Variants in PCARE observed in about 807,000 individuals in gnomAD.
PCARE encodes the protein uncharacterized protein C2orf71.
PCARE carries 72 observed loss-of-function variants against 82.2 expected under a neutral mutation model. The observed-to-expected ratio is 0.88, with a 90% CI of 0.72 to 1.07. PCARE has a LOEUF of 1.07. PCARE is among the 50% of genes least tolerant of loss of function. The probability of loss-of-function intolerance (pLI) is 0.00; values close to 1 mark genes in which losing one functional copy is unlikely to be tolerated. For synonymous variants in PCARE, 705 were observed against 634.8 expected (o/e 1.11, Z -1.66); for missense variants, 1,768 against 1,592.4 (o/e 1.11, Z -1.88).
At position 29,071,321 on chromosome 2, in the gene PCARE, T is replaced by C. The variant is rs1262040345; in HGVS notation, c.2941A>G (p.Arg981Gly). 6.2e-7 allele frequency: 1 copy of C among 1,613,572 alleles called. No individual in the cohort carries two copies. ...GGGGGGCTTCTCTCTCGGCTCTGCC[T>C]TGGTCTGGCCAGGCTGGACTCTGAG... Reference protein sequence around the residue: ...RTSESSLARPRQSRERSPPVG... With the variant: ...RTSESSLARPGQSRERSPPVG... Residue 981 changes from arginine (R) to glycine (G), a missense_variant, in exon 1 of 2, where the codon AGG (arginine) becomes GGG (glycine). Arg to Gly is a moderately radical substitution (Grantham distance 125). Coordinates refer to ENST00000331664, the MANE Select transcript of PCARE (RefSeq NM_001029883.3).
rs767896465 is a variant in PCARE at position 29,071,947 on chromosome 2, G to A, written c.2315C>T (p.Thr772Ile). 1 of 1,614,170 alleles carries A rather than the reference G, an allele frequency of 6.2e-7. No individual in the cohort carries two copies. Among genetic ancestry groups the A allele is most frequent in the East Asian group, 2.2e-5 (1 of 44,874 alleles). ...CIMPPRFPKY[T>I]GLAPLYPKPQ... ...CTTCGGATACAAAGGGGCAAGCCCTGTGTACTTGGGAAATCTGGGGGGCAT... is the reference window on the plus strand; with the variant it reads ...CTTCGGATACAAAGGGGCAAGCCCTATGTACTTGGGAAATCTGGGGGGCAT... Residue 772 changes from threonine (T) to isoleucine (I), a missense_variant, in exon 1 of 2, where the codon ACA (threonine) becomes ATA (isoleucine). Transcript: ENST00000331664.
intron 1 of PCARE, among the ~76,000 whole-genome samples, chr2:29,065,358 G>C (rs12714260): frequency 0.31 from 46,711 of 152,196 alleles, 7,771 homozygotes; most frequent in East Asian, 0.49. Flanking sequence ...TCCCTCAGAA[G>C]CTCTGGGAGC....
In PCARE at chr2:29,072,244, T is replaced by G; in HGVS notation, c.2018A>C (p.Asn673Thr). Reference protein sequence around the residue: ...TSRLKASLTKNFSILPSQDKS... With the variant: ...TSRLKASLTKTFSILPSQDKS... ...GTCCTGACTAGGCAAAATACTGAAG[T>G]TCTTGGTGAGGGATGCCTTGAGCCT... is the stretch of plus-strand genomic sequence containing the variant. Residue 673 changes from asparagine to threonine, a missense_variant, in exon 1 of 2, where the codon AAC becomes ACC. Coordinates refer to ENST00000331664, the MANE Select transcript of PCARE (RefSeq NM_001029883.3). 1.2e-6 allele frequency: 2 copies of G among 1,614,200 alleles called. No homozygotes were observed. Among genetic ancestry groups the G allele is most frequent in the Non-Finnish European group, 1.7e-6 (2 of 1,180,038 alleles).
Position 29,065,075 on chromosome 2 carries a change from G to A in PCARE, c.3669-8C>T. The A allele has an allele frequency of 6.8e-7, 1 of 1,479,692 alleles. No homozygotes were observed. Among genetic ancestry groups the A allele is most frequent in the Non-Finnish European group, 9.2e-7 (1 of 1,089,276 alleles). 91.7% of individuals were successfully genotyped at this position (1,479,692 alleles called of 1,614,324 possible). A position where few individuals can be genotyped will look rare whatever the true frequency, so the allele number is the denominator to read the frequency against. ...GGGCTCTCCTCGCTGCTGCTGCCGAGAGAAAGGACAAGTGCAGGTCAGACA... is the reference window on the plus strand; with the variant it reads ...GGGCTCTCCTCGCTGCTGCTGCCGAAAGAAAGGACAAGTGCAGGTCAGACA... On this transcript the variant is annotated splice_region_variant and splice_polypyrimidine_tract_variant and intron_variant, in intron 1 of 1. Transcript: ENST00000331664.
At position 29,074,329 on chromosome 2, in the gene PCARE, C is replaced by T; in HGVS notation, c.-68G>A. 6.7e-7 allele frequency: 1 copy of T among 1,492,006 alleles called. No homozygotes were observed. Among genetic ancestry groups the T allele is most frequent in the Non-Finnish European group, 8.9e-7 (1 of 1,119,588 alleles). 92.4% of individuals were successfully genotyped at this position (1,492,006 alleles called of 1,614,324 possible). ...CCAAGAATCATATTTGAAATAGGAACAAAAGGCAATCTTACTAGTCCATCC... is the reference window on the plus strand; with the variant it reads ...CCAAGAATCATATTTGAAATAGGAATAAAAGGCAATCTTACTAGTCCATCC... On this transcript the variant is annotated 5_prime_UTR_variant, in exon 1 of 2. Transcript: ENST00000331664.
Position 29,064,746 on chromosome 2 carries a change from G to T in PCARE, c.*123C>A. 1.5e-6 allele frequency: 2 copies of T among 1,307,350 alleles called. No homozygotes were observed. The highest frequency in any genetic ancestry group is 2.1e-6 in the Non-Finnish European group (2 of 934,534). The allele number at this position is 1,307,350 out of a possible 1,614,324, so 81.0% of individuals were successfully genotyped here. ...ACCCACTGGGCAGTGCACCTTCCAGGCCTTTCCAGGACACCTCAGTAGGAG... is the reference window on the plus strand; with the variant it reads ...ACCCACTGGGCAGTGCACCTTCCAGTCCTTTCCAGGACACCTCAGTAGGAG... On this transcript the variant is annotated 3_prime_UTR_variant, in exon 2 of 2. Coordinates refer to ENST00000331664, the MANE Select transcript of PCARE (RefSeq NM_001029883.3).
rs373499712 is a variant in PCARE at position 29,073,770 on chromosome 2, G to A, written c.492C>T (p.Ile164=). 1.4e-5 allele frequency: 22 copies of A among 1,614,244 alleles called. No individual in the cohort carries two copies. Among genetic ancestry groups the A allele is most frequent in the Non-Finnish European group, 1.9e-5 (22 of 1,180,042 alleles). The change falls in exon 1 of 2, where the codon ATC becomes ATT. Residue 164 remains isoleucine (I), a synonymous_variant. Transcript: ENST00000331664. ...SSTQSHCYQT[I]HPAHEPEGKV... Reference sequence around the variant, plus strand: ...TGCCTTCAGGCTCATGAGCAGGGTGGATGGTTTGGTAGCAGTGGCTCTGTG... The same window carrying A: ...TGCCTTCAGGCTCATGAGCAGGGTGAATGGTTTGGTAGCAGTGGCTCTGTG...
chr2:29,071,663 G>GC lies in PCARE; in HGVS notation c.2598dup (p.Pro867AlafsTer240). On this transcript the variant is annotated frameshift_variant, in exon 1 of 2. Transcript: ENST00000331664. LOFTEE classifies it high-confidence loss of function. ...CTCCTGGTGGGGCCAGCCTCTCCCGGCCCTGGCTCCTGGGTTTCCTTGGGG... is the reference window on the plus strand; with the variant it reads ...CTCCTGGTGGGGCCAGCCTCTCCCGGCCCCTGGCTCCTGGGTTTCCTTGGGG... 1 of 1,614,010 alleles carries GC rather than the reference G, an allele frequency of 6.2e-7. No individual in the cohort carries two copies. The highest frequency in any genetic ancestry group is 8.5e-7 in the Non-Finnish European group (1 of 1,179,944).
rs748775127 is a variant in PCARE at position 29,072,188 on chromosome 2, G to T, written c.2074C>A (p.Pro692Thr). 6.2e-7 allele frequency: 1 copy of T among 1,614,230 alleles called. No individual in the cohort carries two copies. Among genetic ancestry groups the T allele is most frequent in the South Asian group, 1.1e-5 (1 of 91,086 alleles). Reference sequence around the variant, plus strand: ...CCAGCTTTGCCTTGTTCGTCCTCAGGATGGGGATTGCATTTCTGCAAGATG... The same window carrying T: ...CCAGCTTTGCCTTGTTCGTCCTCAGTATGGGGATTGCATTTCTGCAAGATG... ...KSILQKCNPHPEDEQGKAGKL... is the reference protein window; with the variant it reads ...KSILQKCNPHTEDEQGKAGKL... Residue 692 changes from proline (P) to threonine (T), a missense_variant, in exon 1 of 2, where the codon CCT (proline) becomes ACT (threonine). Physicochemically the swap from Pro to Thr is conservative, Grantham distance 38. Coordinates refer to ENST00000331664, the MANE Select transcript of PCARE (RefSeq NM_001029883.3).
rs530507308 is a variant in PCARE, at chr2:29,071,265, T to G, written c.2997A>C (p.Thr999=). ...PVGRKASPTR[T]HWVPQADKRR... is the part of the protein sequence containing the mutation. ...TCTTGTCTGCTTGAGGCACCCAGTG[T>G]GTCCTCGTGGGAGAGGCCTTTCTGC... is the stretch of plus-strand genomic sequence containing the variant. The change falls in exon 1 of 2, where the codon ACA becomes ACC. Residue 999 remains threonine, a synonymous_variant. Coordinates refer to ENST00000331664, the MANE Select transcript of PCARE (RefSeq NM_001029883.3). The G allele has an allele frequency of 6.2e-7, 1 of 1,613,496 alleles. No homozygotes were observed. Among genetic ancestry groups the G allele is most frequent in the South Asian group, 1.1e-5 (1 of 91,074 alleles).
Position 29,072,507 on chromosome 2 carries a change from C to G in PCARE, c.1755G>C (p.Arg585Ser). 2 of 1,614,240 alleles carry G rather than the reference C, an allele frequency of 1.2e-6. No homozygotes were observed. The highest frequency in any genetic ancestry group is 1.7e-6 in the Non-Finnish European group (2 of 1,180,052). The change falls in exon 1 of 2, where the codon AGG becomes AGC. Residue 585 changes from arginine (R) to serine (S), a missense_variant. Coordinates refer to ENST00000331664, the MANE Select transcript of PCARE (RefSeq NM_001029883.3). Reference sequence around the variant, plus strand: ...ACCTCGTCTGCCTCTCAGGGGCCCTCCTGCTGCCACTTACCGTGCTAGGTC... The same window carrying G: ...ACCTCGTCTGCCTCTCAGGGGCCCTGCTGCTGCCACTTACCGTGCTAGGTC... The part of the protein sequence containing the change: ...PPRPSTVSGS[R>S]RAPERQTRSQ...
At chr2:29,069,318 A>T (rs1257918714) in intron 1 of PCARE, among the ~76,000 whole-genome samples, 1 of 152,234 alleles carries the variant, frequency 6.6e-6, no homozygotes, top group Non-Finnish European at 1.5e-5. Flanking sequence ...GACAGATTGG[A>T]TAAAGAAAAT....
In PCARE at chr2:29,061,841, C is replaced by A. The variant is rs1667313021; in HGVS notation, c.*3028G>T. The A allele has an allele frequency of 6.6e-6, 1 of 152,160 alleles. No homozygotes were observed. The highest frequency in any genetic ancestry group is 1.5e-5 in the Non-Finnish European group (1 of 68,028). 9.4% of individuals were successfully genotyped at this position (152,160 alleles called of 1,614,324 possible). Reference sequence around the variant, plus strand: ...GAAGGGAGATGGTGGGCGTGAGCAGCCCTTGTCTGAGAAGCTGTACAGCTG... The same window carrying A: ...GAAGGGAGATGGTGGGCGTGAGCAGACCTTGTCTGAGAAGCTGTACAGCTG... On this transcript the variant is annotated 3_prime_UTR_variant, in exon 2 of 2. Coordinates refer to ENST00000331664, the MANE Select transcript of PCARE (RefSeq NM_001029883.3).
chr2:29,065,869 G>A lies in PCARE; in HGVS notation c.3669-802C>T, dbSNP rs147005062. On this transcript the variant is annotated intron_variant, in intron 1 of 1. Coordinates refer to ENST00000331664, the MANE Select transcript of PCARE (RefSeq NM_001029883.3). ...CCTTATAAAATGGAAGTAATAGGCCGGGCGTGCTGGCTCACACCTGTAATC... is the reference window on the plus strand; with the variant it reads ...CCTTATAAAATGGAAGTAATAGGCCAGGCGTGCTGGCTCACACCTGTAATC... Among the ~76,000 whole-genome samples, 1,011 of 152,330 alleles carry A rather than the reference G, an allele frequency of 6.6e-3. 24 individuals carry two copies. Among genetic ancestry groups the A allele is most frequent in the East Asian group, 0.06 (312 of 5,184 alleles).
rs942838586 is a variant in PCARE at position 29,074,499 on chromosome 2, T to A, written c.-238A>T. Among the ~76,000 whole-genome samples the A allele has an allele frequency of 6.6e-6, 1 of 152,208 alleles. No homozygotes were observed. The highest frequency in any genetic ancestry group is 6.5e-5 in the Admixed American group (1 of 15,284). On this transcript the variant is annotated 5_prime_UTR_variant, in exon 1 of 2. Transcript: ENST00000331664. ...TTGTTCTAAGTTTGGAACCCTCTGC[T>A]GTTAGTGAGCAGCGGGACAATTCTG...
intron 1 of PCARE, among the ~76,000 whole-genome samples, chr2:29,065,443 G>GAAA (rs1553353684): frequency 1.3e-5 from 2 of 152,210 alleles, no homozygotes; most frequent in African/African-American, 4.8e-5. Flanking sequence ...TTGAATTAAA[G>GAAA]ACAACAACAA....
At position 29,071,606 on chromosome 2, in the gene PCARE, CA is replaced by C. The variant is rs1276364757; in HGVS notation, c.2655del (p.Val886Ter). On this transcript the variant is annotated frameshift_variant, in exon 1 of 2. Transcript: ENST00000331664. LOFTEE classifies it high-confidence loss of function. Reference sequence around the variant, plus strand: ...CTGGGCAGCAAGTCCAGGGGGCTCACAGAGGCCCTCAGCTTTGGGGAAGCCC... The same window carrying C: ...CTGGGCAGCAAGTCCAGGGGGCTCACGAGGCCCTCAGCTTTGGGGAAGCCC... The part of the protein sequence containing the change: ...RTWASPKLRA[S>X]VSPLDLLPSK... 4 of 1,612,924 alleles carry C rather than the reference CA, an allele frequency of 2.5e-6. No homozygotes were observed.
At position 29,074,042 on chromosome 2, in the gene PCARE, G is replaced by C; in HGVS notation, c.220C>G (p.Leu74Val). 1 of 1,614,190 alleles carries C rather than the reference G, an allele frequency of 6.2e-7. No individual in the cohort carries two copies. The highest frequency in any genetic ancestry group is 8.5e-7 in the Non-Finnish European group (1 of 1,180,034). ...PRRNQTTAKG[L>V]CQLMGDPASG... ...GCAGGATCTCCCATGAGCTGACAAA[G>C]ACCTTTAGCTGTGGTTTGGTTCCTC... Residue 74 changes from leucine (L) to valine (V), a missense_variant, in exon 1 of 2, where the codon CTT becomes GTT. Physicochemically the swap from Leu to Val is conservative, Grantham distance 32. Coordinates refer to ENST00000331664, the MANE Select transcript of PCARE (RefSeq NM_001029883.3).
At chr2:29,067,159 C>A (rs887717078) in intron 1 of PCARE, among the ~76,000 whole-genome samples, 1 of 152,138 alleles carries the variant, frequency 6.6e-6, no homozygotes, top group Admixed American at 6.5e-5. Context: ...TGGTTGTGTC[C>A]CTGCATGTCC....
Sources: allele counts gnomAD v4.1 joint callset (sites outside exome capture counted in the v4.1 genomes callset), GRCh38; gene constraint gnomAD v4.1.1; transcripts MANE v1.5; gene names NCBI Gene and HGNC (gene_info 2026-07-23, HGNC 2026-07-21).